The following CACNB2 variants were observed in gnomAD, a reference collection of about 807,000 sequenced individuals.
The protein encoded by CACNB2 is voltage-dependent L-type calcium channel subunit beta-2.
Under a neutral mutation model 73.3 loss-of-function variants are expected in CACNB2, and 42 were observed. The observed-to-expected ratio is 0.57, with a 90% CI of 0.45 to 0.74. The LOEUF is 0.74. CACNB2 is among the 30% of genes least tolerant of loss of function. CACNB2 has a pLI of 0.00. For synonymous variants in CACNB2, 348 were observed against 310.3 expected (o/e 1.12, Z -1.28); for missense variants, 940 against 853.0 (o/e 1.10, Z -1.27).
intron 5 of CACNB2, among the ~76,000 whole-genome samples, chr10:18,502,015 A>G (rs537304785): frequency 7.2e-5 from 11 of 152,382 alleles, no homozygotes; most frequent in Middle Eastern, 3.4e-3. Flanking sequence ...TGCATAAAAA[A>G]GAACAAAGAT....
At chr10:18,330,723 C>G (rs1401922830) in intron 2 of CACNB2, among the ~76,000 whole-genome samples, 1 of 151,710 alleles carries the variant, frequency 6.6e-6, no homozygotes, top group Non-Finnish European at 1.5e-5. Flanking sequence ...GGCTGGAGTG[C>G]AGTGGCATGA....
intron 1 of CACNB2, among the ~76,000 whole-genome samples, chr10:18,144,223 G>A (rs1044621135): frequency 3.9e-5 from 6 of 152,144 alleles, no homozygotes; most frequent in Middle Eastern, 3.4e-3. Context: ...GACTACAGGC[G>A]CCCGCCACCA....
At chr10:18,261,429 G>A in intron 2 of CACNB2, 1 of 1,409,470 alleles carries the variant, frequency 7.1e-7, no homozygotes, top group Non-Finnish European at 9.8e-7. Context: ...GAACCAACCA[G>A]ACAGTCGATC....
intron 2 of CACNB2, among the ~76,000 whole-genome samples, chr10:18,235,158 A>T (rs1188225658): frequency 1.4e-5 from 2 of 144,902 alleles, no homozygotes; most frequent in African/African-American, 5.5e-5. Context: ...AAAAAAAAAA[A>T]ACAGTTAAAA....
intron 2 of CACNB2, among the ~76,000 whole-genome samples, chr10:18,339,474 T>G (rs2041147062): frequency 6.6e-6 from 1 of 152,102 alleles, no homozygotes; most frequent in Non-Finnish European, 1.5e-5. Flanking sequence ...TGAGCCGAGA[T>G]CGCGCCACTG....
At chr10:18,172,487 G>A (rs928837876) in intron 2 of CACNB2, among the ~76,000 whole-genome samples, 1 of 152,074 alleles carries the variant, frequency 6.6e-6, no homozygotes, top group Non-Finnish European at 1.5e-5. Context: ...TCCACGCATT[G>A]TTTTTTTGTA....
At chr10:18,460,859 C>T (rs2047535014) in intron 3 of CACNB2, among the ~76,000 whole-genome samples, 1 of 149,668 alleles carries the variant, frequency 6.7e-6, no homozygotes, top group African/African-American at 2.5e-5. Context: ...CACTGCACTC[C>T]AGCCTGGGTG....
chr10:18,506,386 AAT>A, intron 5 of CACNB2, 83 bp from the exon 6 acceptor site: 1 of 768,098 alleles, frequency 1.3e-6, no homozygotes, highest in Non-Finnish European at 2.4e-6. Flanking sequence ...ATAAAACCAT[AAT>A]GAATTATGTT....
intron 2 of CACNB2, among the ~76,000 whole-genome samples, chr10:18,389,982 A>T (rs562426937): frequency 8.5e-5 from 13 of 152,318 alleles, no homozygotes; most frequent in Admixed American, 5.2e-4. Context: ...CCTTTTATAT[A>T]TGCAAAGAAA....
chr10:18,213,058 C>T (rs2035380281), intron 2 of CACNB2, among the ~76,000 whole-genome samples: 2 of 152,222 alleles, frequency 1.3e-5, no homozygotes. Flanking sequence ...CATCTGGCCT[C>T]ATGCAACCAG....
intron 2 of CACNB2, among the ~76,000 whole-genome samples, chr10:18,393,598 C>T (rs1293694924): frequency 6.6e-6 from 1 of 152,240 alleles, no homozygotes; most frequent in Admixed American, 6.5e-5. Context: ...AAACCAGCAA[C>T]TGTTCCTTTT....
At chr10:18,419,987 A>G (rs1341799738) in intron 3 of CACNB2, among the ~76,000 whole-genome samples, 2 of 152,204 alleles carry the variant, frequency 1.3e-5, no homozygotes, top group Non-Finnish European at 2.9e-5. Flanking sequence ...TATAAGTTCT[A>G]GGTTTTTATT....
chr10:18,482,876 G>A (rs1461175254), intron 3 of CACNB2, among the ~76,000 whole-genome samples: 1 of 152,176 alleles, frequency 6.6e-6, no homozygotes, highest in Non-Finnish European at 1.5e-5. Flanking sequence ...ATTTGTAGAT[G>A]TTCCAATGAT....
At chr10:18,247,398 G>T (rs537056292) in intron 2 of CACNB2, among the ~76,000 whole-genome samples, 6 of 152,000 alleles carry the variant, frequency 3.9e-5, no homozygotes, top group Non-Finnish European at 8.8e-5. Context: ...TTACTTCTCC[G>T]CTTCATCATA....
At chr10:18,445,024 T>C (rs1226873257) in intron 3 of CACNB2, among the ~76,000 whole-genome samples, 1 of 152,216 alleles carries the variant, frequency 6.6e-6, no homozygotes, top group Non-Finnish European at 1.5e-5. Flanking sequence ...TTTCACCAAG[T>C]GTTTGTTGCT....
rs1016455970 is a variant in CACNB2 at position 18,534,309 on chromosome 10, T to C, written c.1206+82T>C. Reference sequence around the variant, plus strand: ...TGTTCTGCTTTCTATAATTAGGCTATTGTAATAGCCTTTATGATGTATAGA... The same window carrying C: ...TGTTCTGCTTTCTATAATTAGGCTACTGTAATAGCCTTTATGATGTATAGA... On this transcript the variant is annotated intron_variant, in intron 11 of 13. Coordinates refer to ENST00000324631, the MANE Select transcript of CACNB2 (RefSeq NM_201596.3). The C allele has an allele frequency of 1.1e-5, 13 of 1,182,054 alleles. No homozygotes were observed. The South Asian group carries it at 1.2e-4, about 11-fold the overall frequency. The allele number at this position is 1,182,054 out of a possible 1,614,324, so 73.2% of individuals were successfully genotyped here. A position where few individuals can be genotyped will look rare whatever the true frequency, so the allele number is the denominator to read the frequency against.
intron 3 of CACNB2, among the ~76,000 whole-genome samples, chr10:18,494,705 T>TG (rs1053789767): frequency 6.6e-6 from 1 of 151,478 alleles, no homozygotes; most frequent in African/African-American, 2.4e-5. Context: ...TTTTTTTTTT[T>TG]AAATCTTGGA....
At chr10:18,502,258 G>T (rs2050232205) in intron 5 of CACNB2, among the ~76,000 whole-genome samples, 1 of 151,684 alleles carries the variant, frequency 6.6e-6, no homozygotes, top group Non-Finnish European at 1.5e-5. Context: ...AGTGAGCCCA[G>T]ATTCGTGCCA....
intron 2 of CACNB2, among the ~76,000 whole-genome samples, chr10:18,248,653 T>C (rs2131542769): frequency 6.6e-6 from 1 of 152,356 alleles, no homozygotes; most frequent in East Asian, 1.9e-4. Context: ...TATGATCTCA[T>C]TGGACATATC....
Sources: allele counts gnomAD v4.1 joint callset (sites outside exome capture counted in the v4.1 genomes callset), GRCh38; gene constraint gnomAD v4.1.1; transcripts MANE v1.5; gene names NCBI Gene and HGNC (gene_info 2026-07-23, HGNC 2026-07-21).